OXCT1: variants seen among roughly 807,000 people sequenced by gnomAD.
OXCT1 encodes succinyl-CoA:3-ketoacid coenzyme A transferase 1, mitochondrial.
In OXCT1, 27 loss-of-function variants were observed where a neutral mutation model predicts 69.6. The observed-to-expected ratio is 0.39, with a 90% confidence interval of 0.29 to 0.54. The LOEUF is 0.54. Ranked by LOEUF, OXCT1 falls within the 20% of genes least tolerant of loss-of-function variation. The probability of loss-of-function intolerance (pLI) is 0.72; values close to 1 mark genes in which losing one functional copy is unlikely to be tolerated. For missense variants in OXCT1, 437 were observed against 650.2 expected (o/e 0.67, Z 3.57); for synonymous variants, 202 against 217.8 (o/e 0.93, Z 0.64).
chr5:41,839,746 A>G (rs1350580148), intron 7 of OXCT1, among the ~76,000 whole-genome samples: 1 of 152,200 alleles, frequency 6.6e-6, no homozygotes, highest in Non-Finnish European at 1.5e-5. Context: ...TTTCAATTCC[A>G]GATCCCAATA....
chr5:41,742,592 A>C (rs1743226679), intron 15 of OXCT1, among the ~76,000 whole-genome samples: 1 of 152,174 alleles, frequency 6.6e-6, no homozygotes, highest in African/African-American at 2.4e-5. Context: ...TTAACTCTTC[A>C]TTTAACATTA....
intron 5 of OXCT1, among the ~76,000 whole-genome samples, chr5:41,847,657 T>C (rs926549904): frequency 1.3e-4 from 20 of 152,098 alleles, no homozygotes; most frequent in African/African-American, 4.6e-4. Flanking sequence ...ATCCAGCATA[T>C]AAACAGAACC....
intron 13 of OXCT1, among the ~76,000 whole-genome samples, chr5:41,764,067 A>T (rs910771250): frequency 6.6e-6 from 1 of 152,200 alleles, no homozygotes; most frequent in Non-Finnish European, 1.5e-5. Flanking sequence ...ACTCAATATA[A>T]GTGAATAGCC....
intron 1 of OXCT1, among the ~76,000 whole-genome samples, chr5:41,867,085 A>T (rs1750019671): frequency 6.6e-6 from 1 of 151,992 alleles, no homozygotes; most frequent in South Asian, 2.1e-4. Context: ...TTTTCTTTTT[A>T]ATTTTTTTAT....
At chr5:41,822,264 G>C (rs1055998132) in intron 7 of OXCT1, among the ~76,000 whole-genome samples, 1 of 152,038 alleles carries the variant, frequency 6.6e-6, no homozygotes, top group Non-Finnish European at 1.5e-5. Context: ...AGCCAGTACT[G>C]GTACTTCTGA....
At chr5:41,807,158 A>G (rs914156241) in intron 8 of OXCT1, among the ~76,000 whole-genome samples, 173 bp downstream of exon 8, 5 of 152,068 alleles carry the variant, frequency 3.3e-5, no homozygotes, top group Non-Finnish European at 5.9e-5. Flanking sequence ...CAGCCTGCAC[A>G]GAGGCATAGA....
At chr5:41,831,474 A>G (rs1284463546) in intron 7 of OXCT1, among the ~76,000 whole-genome samples, 1 of 152,202 alleles carries the variant, frequency 6.6e-6, no homozygotes, top group Non-Finnish European at 1.5e-5. Flanking sequence ...AATATCAAAT[A>G]TACTACATAT....
At chr5:41,743,006 G>T (rs1743258922) in intron 15 of OXCT1, among the ~76,000 whole-genome samples, 1 of 152,158 alleles carries the variant, frequency 6.6e-6, no homozygotes, top group Admixed American at 6.5e-5. Context: ...TAATGGGATG[G>T]CTGGGTCAAA....
intron 7 of OXCT1, among the ~76,000 whole-genome samples, chr5:41,818,547 TTAGC>T (rs1232425694): frequency 6.6e-6 from 1 of 152,208 alleles, no homozygotes; most frequent in Non-Finnish European, 1.5e-5. Flanking sequence ...AGAGTTCACT[TTAGC>T]TAATGATGCT....
intron 13 of OXCT1, among the ~76,000 whole-genome samples, chr5:41,764,233 C>T (rs952091279): frequency 3.3e-5 from 5 of 152,122 alleles, no homozygotes; most frequent in African/African-American, 1.2e-4. Context: ...AGCCTGTTAA[C>T]TATGAGTCAA....
intron 1 of OXCT1, among the ~76,000 whole-genome samples, chr5:41,869,706 AG>A (rs1443249338): frequency 6.6e-6 from 1 of 152,160 alleles, no homozygotes; most frequent in Admixed American, 6.5e-5. Context: ...TCTACGGGGC[AG>A]CAGAGCCAAA....
intron 10 of OXCT1, among the ~76,000 whole-genome samples, chr5:41,801,999 G>A (rs1165743899): frequency 6.6e-6 from 1 of 151,832 alleles, no homozygotes; most frequent in African/African-American, 2.4e-5. Context: ...AAACTGAAGT[G>A]GCAACTAATG....
At chr5:41,830,267 C>T (rs1246967469) in intron 7 of OXCT1, among the ~76,000 whole-genome samples, 4 of 152,150 alleles carry the variant, frequency 2.6e-5, no homozygotes, top group East Asian at 1.9e-4. Context: ...AGTATTCTGC[C>T]GAAGGACTAA....
intron 7 of OXCT1, among the ~76,000 whole-genome samples, chr5:41,833,841 A>G (rs1266281212): frequency 6.6e-6 from 1 of 152,094 alleles, no homozygotes; most frequent in African/African-American, 2.4e-5. Flanking sequence ...TGGGTAGATC[A>G]CCTGAGGTCA....
chr5:41,770,693 C>A (rs76500866), intron 13 of OXCT1, among the ~76,000 whole-genome samples: 1 of 152,148 alleles, frequency 6.6e-6, no homozygotes, highest in Non-Finnish European at 1.5e-5. Flanking sequence ...TTCTAAAATC[C>A]TAAAACTACC....
At chr5:41,848,515 A>G (rs1400982899) in intron 5 of OXCT1, among the ~76,000 whole-genome samples, 4 of 144,320 alleles carry the variant, frequency 2.8e-5, no homozygotes, top group African/African-American at 7.5e-5. Context: ...GAGGCATCAC[A>G]CTACCTGACT....
At chr5:41,799,386 C>T (rs1186910989) in intron 11 of OXCT1, among the ~76,000 whole-genome samples, 1 of 152,092 alleles carries the variant, frequency 6.6e-6, no homozygotes, top group Non-Finnish European at 1.5e-5. Context: ...TGACTTGGAG[C>T]TTGGCTTCCC....
intron 16 of OXCT1, among the ~76,000 whole-genome samples, chr5:41,734,019 T>G (rs141872820): frequency 4.9e-4 from 74 of 152,336 alleles, no homozygotes; most frequent in African/African-American, 1.6e-3. Flanking sequence ...ATAAATTTAT[T>G]CAATTAGGCA....
rs201752548 is a variant in OXCT1, at chr5:41,842,702, G to A, written c.644C>T (p.Ala215Val). ...GDFALVKAWKADRAGNVIFRK... is the reference protein window; with the variant it reads ...GDFALVKAWKVDRAGNVIFRK... The stretch of plus-strand genomic sequence containing the variant: ...GAAAATCACGTTTCCTGCTCGGTCC[G>A]CCTTCCAGGCTTTCACCAAAGCAAA... The change falls in exon 6 of 17, where the codon GCG becomes GTG. Residue 215 changes from alanine (A) to valine (V), a missense_variant. Physicochemically the swap from Ala to Val is moderately conservative, Grantham distance 64. Around this residue, in one of 4 missense-constraint regions of OXCT1, gnomAD observed 252 missense variants for 397.4 expected, o/e 0.63. Transcript: ENST00000196371. 5.6e-6 allele frequency: 9 copies of A among 1,613,278 alleles called. No individual in the cohort carries two copies. Among genetic ancestry groups the A allele is most frequent in the East Asian group, 2.2e-5 (1 of 44,866 alleles).
Sources: allele counts gnomAD v4.1 joint callset (sites outside exome capture counted in the v4.1 genomes callset), GRCh38; gene constraint gnomAD v4.1.1; regional missense constraint gnomAD v4.1.1; transcripts MANE v1.5; gene names NCBI Gene and HGNC (gene_info 2026-07-23, HGNC 2026-07-21).